CA1: variants seen among roughly 807,000 people sequenced by gnomAD.
The protein encoded by CA1 is carbonate dehydratase I.
Under a neutral mutation model 28.8 loss-of-function variants are expected in CA1, and 27 were observed. That is an observed-to-expected ratio of 0.94 (90% CI 0.69 to 1.29). The LOEUF (loss-of-function observed/expected upper bound fraction) is 1.29. Ranked by LOEUF, CA1 falls within the 50% of genes most tolerant of loss-of-function variation. CA1 has a pLI of 0.00. For synonymous variants in CA1, 121 were observed against 108.8 expected, an observed-to-expected ratio of 1.11 and a Z score of -0.70; for missense variants, 335 against 310.5, an observed-to-expected ratio of 1.08 and a Z score of -0.59.
intron 1 of CA1, among the ~76,000 whole-genome samples, chr8:85,353,888 G>T (rs965648322): frequency 1.3e-5 from 2 of 152,024 alleles, no homozygotes; most frequent in Non-Finnish European, 2.9e-5. Flanking sequence ...ATAGATTTTT[G>T]TTCTTCTCAA....
chr8:85,367,608 A>G (rs1810060795), intron 1 of CA1, among the ~76,000 whole-genome samples: 1 of 152,190 alleles, frequency 6.6e-6, no homozygotes, highest in Non-Finnish European at 1.5e-5. Context: ...GCCCAGCCTC[A>G]CCTTCAGAGT....
intron 2 of CA1, among the ~76,000 whole-genome samples, chr8:85,340,059 T>C (rs1053793727): frequency 6.6e-6 from 1 of 152,136 alleles, no homozygotes; most frequent in Non-Finnish European, 1.5e-5. Context: ...AGATAACCAA[T>C]GAAGGTGACT....
chr8:85,366,338 T>A lies in CA1; in HGVS notation c.-25+11708A>T, dbSNP rs565454419. 2.0e-5 allele frequency among the ~76,000 whole-genome samples: 3 copies of A among 152,220 alleles called. No homozygotes were observed. In the East Asian group the frequency reaches 5.8e-4, roughly 29 times the overall value. ...CATCATGCTGTTTCTCACCTTGAGC[T>A]TCAAAAGGTCACTTTTCTCCCTTAG... On this transcript the variant is annotated intron_variant, in intron 1 of 7. Transcript: ENST00000523022.
intron 1 of CA1, among the ~76,000 whole-genome samples, chr8:85,355,961 A>G (rs764436716): frequency 2.0e-5 from 3 of 152,094 alleles, no homozygotes; most frequent in Non-Finnish European, 2.9e-5. Context: ...TCCCATGACA[A>G]CGTGTGGACT....
chr8:85,329,548 C>A lies in CA1; in HGVS notation c.669+141G>T, dbSNP rs1181242549. 4 of 806,922 alleles carry A rather than the reference C, an allele frequency of 5.0e-6. No homozygotes were observed. In the Admixed American group the frequency reaches 6.1e-5, roughly 12 times the overall value. The allele number at this position is 806,922 out of a possible 1,614,324, so 50.0% of individuals were successfully genotyped here. A position where few individuals can be genotyped will look rare whatever the true frequency, so the allele number is the denominator to read the frequency against. On this transcript the variant is annotated intron_variant, in intron 7 of 7. Coordinates refer to ENST00000523022, the MANE Select transcript of CA1 (RefSeq NM_001128831.4). The stretch of plus-strand genomic sequence containing the variant: ...TTGGATAGTTTAATAAACCTATGTC[C>A]CCAAATTAATATTTTTAAGTTGGGA...
At chr8:85,366,513 T>C (rs1289247454) in intron 1 of CA1, among the ~76,000 whole-genome samples, 1 of 152,156 alleles carries the variant, frequency 6.6e-6, no homozygotes, top group African/African-American at 2.4e-5. Flanking sequence ...AAAAGACTGA[T>C]AATATTCCTG....
intron 1 of CA1, among the ~76,000 whole-genome samples, chr8:85,344,262 A>G (rs1406318702): frequency 3.0e-5 from 2 of 66,438 alleles, no homozygotes; most frequent in African/African-American, 1.2e-4. Context: ...TATATACAGT[A>G]TATAATATAT....
At chr8:85,344,273 AAT>A (rs1809076627) in intron 1 of CA1, among the ~76,000 whole-genome samples, 3 of 73,814 alleles carry the variant, frequency 4.1e-5, no homozygotes, top group Admixed American at 3.0e-4. Context: ...TATAATATAT[AAT>A]TATATATTAT....
chr8:85,366,587 A>G (rs763752117), intron 1 of CA1, among the ~76,000 whole-genome samples: 14 of 152,236 alleles, frequency 9.2e-5, no homozygotes, highest in Non-Finnish European at 1.8e-4. Context: ...ATGGACATAG[A>G]GTTAGATTCA....
chr8:85,331,314 G>A (rs990668570), intron 6 of CA1, among the ~76,000 whole-genome samples: 4 of 151,910 alleles, frequency 2.6e-5, no homozygotes, highest in African/African-American at 9.7e-5. Flanking sequence ...TTCTAATAAT[G>A]TTTTATATGT....
intron 1 of CA1, among the ~76,000 whole-genome samples, chr8:85,352,056 T>C (rs1470255593): frequency 6.6e-6 from 1 of 152,224 alleles, no homozygotes. Context: ...CCACAACTTC[T>C]GGTTGTTGAA....
chr8:85,362,454 C>T lies in CA1; in HGVS notation c.-25+15592G>A, dbSNP rs556795036. On this transcript the variant is annotated intron_variant, in intron 1 of 7. Coordinates refer to ENST00000523022, the MANE Select transcript of CA1 (RefSeq NM_001128831.4). The stretch of plus-strand genomic sequence containing the variant: ...TCAAGGACTCATTTAGTGATGGTGG[C>T]GTTTGAAGGTGGTGGTGGCTGGGGT... Among the ~76,000 whole-genome samples the T allele has an allele frequency of 2.0e-4, 30 of 151,992 alleles. No homozygotes were observed. The South Asian group carries it at 2.7e-3, about 14-fold the overall frequency.
chr8:85,327,724 A>G lies in CA1; in HGVS notation c.*836T>C, dbSNP rs1168356704. On this transcript the variant is annotated 3_prime_UTR_variant, in exon 8 of 8. Coordinates refer to ENST00000523022, the MANE Select transcript of CA1 (RefSeq NM_001128831.4). ...TGTACAATTATTGTGTGTCAATTAA[A>G]GATAAAAATAGCATAAGGTGAAGCG... is the stretch of plus-strand genomic sequence containing the variant. The G allele has an allele frequency of 6.6e-6, 1 of 152,208 alleles. No homozygotes were observed. The highest frequency in any genetic ancestry group is 1.5e-5 in the Non-Finnish European group (1 of 68,026). The allele number at this position is 152,208 out of a possible 1,614,324, so 9.4% of individuals were successfully genotyped here.
chr8:85,352,563 G>A (rs1809451400), intron 1 of CA1, among the ~76,000 whole-genome samples: 2 of 151,940 alleles, frequency 1.3e-5, no homozygotes, highest in Non-Finnish European at 2.9e-5. Flanking sequence ...CCTTGCCTTT[G>A]ACCTGTGGTT....
intron 1 of CA1, among the ~76,000 whole-genome samples, chr8:85,363,353 T>A (rs1284622199): frequency 6.6e-6 from 1 of 152,184 alleles, no homozygotes; most frequent in Non-Finnish European, 1.5e-5. Flanking sequence ...AAATACAGAT[T>A]TACATACTTT....
chr8:85,332,703 T>A, intron 5 of CA1, 151 bp from the exon 6 acceptor site: 1 of 666,192 alleles, frequency 1.5e-6, no homozygotes, highest in South Asian at 1.6e-5. Context: ...AAGCTGTATG[T>A]CTTTGAGGGC....
At chr8:85,377,803 A>C (rs78938438) in intron 1 of CA1, among the ~76,000 whole-genome samples, 1 of 132,976 alleles carries the variant, frequency 7.5e-6, no homozygotes, top group African/African-American at 3.6e-5. Context: ...ACTCTGTCTC[A>C]AAAAAAAAAA....
intron 6 of CA1, among the ~76,000 whole-genome samples, chr8:85,331,589 T>A (rs915063055): frequency 6.6e-6 from 1 of 152,100 alleles, no homozygotes; most frequent in African/African-American, 2.4e-5. Flanking sequence ...CCTGATTAGC[T>A]AGGACTACAT....
chr8:85,338,808 A>G (rs1372583161), intron 2 of CA1, among the ~76,000 whole-genome samples: 1 of 149,264 alleles, frequency 6.7e-6, no homozygotes, highest in Admixed American at 6.7e-5. Flanking sequence ...CTGCCTCCCA[A>G]GCTCAAGCGA....
Sources: gnomAD v4.1 joint callset for allele counts (sites outside exome capture counted in the v4.1 genomes callset) on GRCh38, gnomAD v4.1.1 for gene constraint, MANE v1.5 for transcripts, NCBI Gene and HGNC (gene_info 2026-07-23, HGNC 2026-07-21) for gene names.